Variants in MALRD1 observed in about 807,000 individuals in gnomAD.
The protein encoded by MALRD1 is MAM and LDL-receptor class A domain-containing protein 1.
In MALRD1, 247 loss-of-function variants were observed where a neutral mutation model predicts 242.1. The ratio of observed to expected loss-of-function variants is 1.02; its 90% confidence interval spans 0.92 to 1.13. The LOEUF (loss-of-function observed/expected upper bound fraction) is 1.13. Among genes scored for constraint, MALRD1 ranks in the 50% most tolerant of loss-of-function variants. MALRD1 has a pLI of 0.00. For missense variants in MALRD1, 2,989 were observed against 2,533.1 expected (o/e 1.18, Z -3.86); for synonymous variants, 995 against 866.6 (o/e 1.15, Z -2.60).
chr10:19,376,166 T>C (rs946850424), intron 26 of MALRD1, among the ~76,000 whole-genome samples: 5 of 152,116 alleles, frequency 3.3e-5, no homozygotes, highest in Non-Finnish European at 5.9e-5. Flanking sequence ...AAAAAAAACT[T>C]CGAGCTCTGT....
chr10:19,230,753 G>A (rs1838016863), intron 18 of MALRD1, among the ~76,000 whole-genome samples: 1 of 152,134 alleles, frequency 6.6e-6, no homozygotes, highest in African/African-American at 2.4e-5. Flanking sequence ...TATTATATTA[G>A]TAATTATCGT....
At chr10:19,070,640 C>T (rs1373055261) in intron 2 of MALRD1, among the ~76,000 whole-genome samples, 1 of 151,988 alleles carries the variant, frequency 6.6e-6, no homozygotes, top group African/African-American at 2.4e-5. Flanking sequence ...TCCTTGCGTG[C>T]ATCATCTCAG....
At chr10:19,620,555 A>G (rs1839356807) in intron 36 of MALRD1, among the ~76,000 whole-genome samples, 1 of 151,086 alleles carries the variant, frequency 6.6e-6, no homozygotes, top group Non-Finnish European at 1.5e-5. Flanking sequence ...CAATTGATTA[A>G]TGTTAACCTG....
chr10:19,159,025 T>G (rs534428265), intron 12 of MALRD1, among the ~76,000 whole-genome samples: 1 of 152,342 alleles, frequency 6.6e-6, no homozygotes, highest in South Asian at 2.1e-4. Context: ...AGCAACAGTC[T>G]ACAGAGGAAA....
intron 28 of MALRD1, among the ~76,000 whole-genome samples, chr10:19,402,714 A>T (rs961204653): frequency 6.6e-6 from 1 of 152,162 alleles, no homozygotes; most frequent in Non-Finnish European, 1.5e-5. Context: ...TATTATTAAT[A>T]CACATGTGTC....
chr10:19,536,324 C>T (rs961864928), intron 32 of MALRD1, among the ~76,000 whole-genome samples: 6 of 149,822 alleles, frequency 4.0e-5, no homozygotes, highest in Non-Finnish European at 7.4e-5. Context: ...TCCCATAGAA[C>T]ATGCCAGAAA....
At chr10:19,322,739 T>C (rs1320572244) in intron 21 of MALRD1, among the ~76,000 whole-genome samples, 2 of 152,174 alleles carry the variant, frequency 1.3e-5, no homozygotes, top group Non-Finnish European at 2.9e-5. Context: ...GAATGACTAC[T>C]TCCACCTCTC....
At chr10:19,675,349 A>G (rs1295159621) in intron 36 of MALRD1, among the ~76,000 whole-genome samples, 4 of 152,200 alleles carry the variant, frequency 2.6e-5, no homozygotes, top group Non-Finnish European at 4.4e-5. Context: ...AGCAGTTCAG[A>G]GGCCGTGAAT....
intron 18 of MALRD1, among the ~76,000 whole-genome samples, chr10:19,242,463 T>C (rs1426040496): frequency 6.6e-6 from 1 of 152,162 alleles, no homozygotes; most frequent in African/African-American, 2.4e-5. Flanking sequence ...TTTGAGTCTG[T>C]CATTTTTTGG....
chr10:19,692,166 C>T lies in MALRD1; in HGVS notation c.6138-116C>T, dbSNP rs143183020. The T allele has an allele frequency of 6.1e-4, 474 of 776,716 alleles. 2 individuals are homozygous for T. In the African/African-American group the frequency reaches 7.7e-3, roughly 13 times the overall value. 48.1% of individuals were successfully genotyped at this position (776,716 alleles called of 1,614,324 possible). ...TTTTTGGTTTTTTATCAAAGTTATCCATGTTCCTAGTATCTCGTTATTTAT... is the reference window on the plus strand; with the variant it reads ...TTTTTGGTTTTTTATCAAAGTTATCTATGTTCCTAGTATCTCGTTATTTAT... On this transcript the variant is annotated intron_variant, in intron 36 of 39. Transcript: ENST00000454679.
At chr10:19,644,070 T>C (rs1033464002) in intron 36 of MALRD1, among the ~76,000 whole-genome samples, 2 of 152,222 alleles carry the variant, frequency 1.3e-5, no homozygotes, top group African/African-American at 4.8e-5. Flanking sequence ...TGACCTAACA[T>C]ACTGCTCCAT....
At position 19,084,821 on chromosome 10, in the gene MALRD1, C is replaced by T. The variant is rs188233900; in HGVS notation, c.341-3019C>T. Among the ~76,000 whole-genome samples, 42 of 152,014 alleles carry T rather than the reference C, an allele frequency of 2.8e-4. 1 individual carries two copies. In the East Asian group the frequency reaches 7.0e-3, roughly 25 times the overall value. On this transcript the variant is annotated intron_variant, in intron 2 of 39. Transcript: ENST00000454679. The stretch of plus-strand genomic sequence containing the variant: ...AAAAGTATTTTTAAAAGTCCTCTAA[C>T]GTAAACATTTAAGACTATAAATGAA...
intron 14 of MALRD1, among the ~76,000 whole-genome samples, chr10:19,192,826 G>A (rs960974726): frequency 2.6e-5 from 4 of 152,170 alleles, no homozygotes; most frequent in African/African-American, 9.7e-5. Context: ...TGCACTGGCA[G>A]TTACTTTCTT....
chr10:19,520,671 GAGTGT>G (rs1833837512), intron 31 of MALRD1, among the ~76,000 whole-genome samples: 1 of 151,794 alleles, frequency 6.6e-6, no homozygotes, highest in Non-Finnish European at 1.5e-5. Context: ...AAACCATAGT[GAGTGT>G]TTAGGTTAGG....
intron 36 of MALRD1, among the ~76,000 whole-genome samples, chr10:19,621,433 A>G (rs898816835): frequency 6.6e-6 from 1 of 151,272 alleles, no homozygotes; most frequent in Non-Finnish European, 1.5e-5. Flanking sequence ...TGAACCCAGG[A>G]AAAAATGAAA....
At chr10:19,593,676 C>T (rs74122015) in intron 33 of MALRD1, among the ~76,000 whole-genome samples, 1 of 152,282 alleles carries the variant, frequency 6.6e-6, no homozygotes, top group South Asian at 2.1e-4. Context: ...CATACATTCT[C>T]TGACCTTTAG....
intron 26 of MALRD1, among the ~76,000 whole-genome samples, chr10:19,379,827 A>AT (rs1554843129): frequency 1.3e-5 from 2 of 152,080 alleles, no homozygotes; most frequent in Non-Finnish European, 2.9e-5. Flanking sequence ...TCTTCCATAC[A>AT]TTTACTTTCT....
At chr10:19,228,072 C>T (rs1837876893) in intron 18 of MALRD1, among the ~76,000 whole-genome samples, 1 of 152,078 alleles carries the variant, frequency 6.6e-6, no homozygotes, top group Non-Finnish European at 1.5e-5. Flanking sequence ...AAACTTAGTA[C>T]TGATCATATA....
intron 28 of MALRD1, among the ~76,000 whole-genome samples, chr10:19,428,204 C>T (rs189796335): frequency 2.0e-5 from 3 of 151,790 alleles, no homozygotes; most frequent in East Asian, 1.9e-4. Flanking sequence ...GATCTCCAAG[C>T]GTTTCACCGA....
Sources: allele counts gnomAD v4.1 joint callset (sites outside exome capture counted in the v4.1 genomes callset), GRCh38; gene constraint gnomAD v4.1.1; transcripts MANE v1.5; gene names NCBI Gene and HGNC (gene_info 2026-07-23, HGNC 2026-07-21).